The following MRPS25 variants were observed in gnomAD, a reference collection of about 807,000 sequenced individuals.
The protein encoded by MRPS25 is mitochondrial ribosomal protein S25.
MRPS25 carries 15 observed loss-of-function variants against 17.3 expected under a neutral mutation model. The ratio of observed to expected loss-of-function variants is 0.87; its 90% CI spans 0.58 to 1.34. The LOEUF is 1.34. MRPS25 is among the 40% of genes most tolerant of loss of function. MRPS25 has a pLI of 0.00. For synonymous variants in MRPS25, 94 were observed against 83.3 expected (o/e 1.13, Z -0.70); for missense variants, 225 against 218.6 (o/e 1.03, Z -0.19).
intron 2 of MRPS25, among the ~76,000 whole-genome samples, chr3:15,059,160 G>C (rs2042712499): frequency 6.6e-6 from 1 of 152,134 alleles, no homozygotes; most frequent in South Asian, 2.1e-4. Flanking sequence ...GTGAGGCAGA[G>C]GGTAAGAAGA....
chr3:15,053,622 T>C (rs1436404470), intron 2 of MRPS25, 155 bp from the exon 3 acceptor site: 5 of 850,810 alleles, frequency 5.9e-6, no homozygotes, highest in Non-Finnish European at 9.6e-6. Flanking sequence ...ACCCTTCCTT[T>C]TTCCATTTTT....
chr3:15,051,816 T>C lies in MRPS25; in HGVS notation c.*625A>G. ...TGGCAGTGGCTGACTGGTCAGCAGG[T>C]ACGTGCCTGAGTGAGGCTGGCCTGT... On this transcript the variant is annotated 3_prime_UTR_variant, in exon 4 of 4. Coordinates refer to ENST00000253686, the MANE Select transcript of MRPS25 (RefSeq NM_022497.5). 1 of 985,448 alleles carries C rather than the reference T, an allele frequency of 1.0e-6. No individual in the cohort carries two copies. The highest frequency in any genetic ancestry group is 1.2e-6 in the Non-Finnish European group (1 of 829,980). 61.0% of individuals were successfully genotyped at this position (985,448 alleles called of 1,614,324 possible). A position where few individuals can be genotyped will look rare whatever the true frequency, so the allele number is the denominator to read the frequency against.
At chr3:15,052,728 G>GTGTCCCTGGT in intron 3 of MRPS25, 95 bp from the exon 4 acceptor site, 7 of 1,278,208 alleles carry the variant, frequency 5.5e-6, no homozygotes, top group Non-Finnish European at 7.7e-6. Context: ...CATCCACCAG[G>GTGTCCCTGGT]GACACCTGGA....
In MRPS25 at chr3:15,050,009, G is replaced by GT; in HGVS notation, c.*2431dup. On this transcript the variant is annotated 3_prime_UTR_variant, in exon 4 of 4. Coordinates refer to ENST00000253686, the MANE Select transcript of MRPS25 (RefSeq NM_022497.5). Reference sequence around the variant, plus strand: ...CTTGTGCAAGTAAAATTAAGAACATGTTATCAATTATAAAATCCTCACATT... The same window carrying GT: ...CTTGTGCAAGTAAAATTAAGAACATGTTTATCAATTATAAAATCCTCACATT... 1 of 1,464,514 alleles carries GT rather than the reference G, an allele frequency of 6.8e-7. No individual in the cohort carries two copies. The highest frequency in any genetic ancestry group is 8.9e-7 in the Non-Finnish European group (1 of 1,123,266). The allele number at this position is 1,464,514 out of a possible 1,614,324, so 90.7% of individuals were successfully genotyped here.
downstream of MRPS25, chr3:15,045,614 T>C (rs2042421125): frequency 6.5e-6 from 1 of 152,680 alleles, no homozygotes; most frequent in Non-Finnish European, 1.5e-5. Context: ...CTTTAACTCA[T>C]TTCAAGCCTC....
Position 15,052,337 on chromosome 3 carries a change from A to G in MRPS25, c.*104T>C. On this transcript the variant is annotated 3_prime_UTR_variant, in exon 4 of 4. Transcript: ENST00000253686. ...CCTTTTAATGCAAAAGGATTTCCAGAGTCTCCAGGGACAGAACCAGGGGCT... is the reference window on the plus strand; with the variant it reads ...CCTTTTAATGCAAAAGGATTTCCAGGGTCTCCAGGGACAGAACCAGGGGCT... 2 of 1,503,298 alleles carry G rather than the reference A, an allele frequency of 1.3e-6. No homozygotes were observed. The highest frequency in any genetic ancestry group is 4.6e-5 in the East Asian group (2 of 43,686). The allele number at this position is 1,503,298 out of a possible 1,614,324, so 93.1% of individuals were successfully genotyped here.
chr3:15,044,337 C>T (rs1198644011), downstream of MRPS25: 1 of 152,182 alleles, frequency 6.6e-6, no homozygotes, highest in Admixed American at 6.5e-5. Context: ...TGCCAGCCGA[C>T]CACCCCGGAG....
Position 15,052,085 on chromosome 3 carries a change from G to A in MRPS25, c.*356C>T, listed in dbSNP as rs2042613167. On this transcript the variant is annotated 3_prime_UTR_variant, in exon 4 of 4. Coordinates refer to ENST00000253686, the MANE Select transcript of MRPS25 (RefSeq NM_022497.5). ...CCCAGAGGAAGATTCAAAGCCAGCGGAGACCAGTAAAGGGTCGCAGGACCA... is the reference window on the plus strand; with the variant it reads ...CCCAGAGGAAGATTCAAAGCCAGCGAAGACCAGTAAAGGGTCGCAGGACCA... The A allele has an allele frequency of 9.7e-7, 1 of 1,025,884 alleles. No homozygotes were observed. Among genetic ancestry groups the A allele is most frequent in the African/African-American group, 1.7e-5 (1 of 58,838 alleles). The allele number at this position is 1,025,884 out of a possible 1,614,324, so 63.5% of individuals were successfully genotyped here.
chr3:15,042,685 A>C (rs1245586354), downstream of MRPS25: 5 of 639,098 alleles, frequency 7.8e-6, no homozygotes, highest in African/African-American at 1.8e-5. Flanking sequence ...TATAAGAGGA[A>C]CTGTTGAAAT....
In MRPS25 at chr3:15,052,558, G is replaced by A; in HGVS notation, c.405C>T (p.Cys135=). 1 of 1,614,182 alleles carries A rather than the reference G, an allele frequency of 6.2e-7. No individual in the cohort carries two copies. Among genetic ancestry groups the A allele is most frequent in the Non-Finnish European group, 8.5e-7 (1 of 1,180,040 alleles). ...CCACTTCACAGATGCACTCCCGCAG[G>A]CAGTACTTTCGAGGGCCGAAGTTGG... The part of the protein sequence containing the change: ...HPANFGPRKY[C]LRECICEVEG... Residue 135 remains cysteine, a synonymous_variant, in exon 4 of 4, where the codon TGC becomes TGT. Transcript: ENST00000253686.
At chr3:15,044,437 T>G (rs1368321760), downstream of MRPS25, 11 of 151,908 alleles carry the variant, frequency 7.2e-5, no homozygotes, top group African/African-American at 1.2e-4. Flanking sequence ...GCAACCAGAG[T>G]TTACAGCAAG....
chr3:15,050,156 A>G lies in MRPS25; in HGVS notation c.*2285T>C. On this transcript the variant is annotated 3_prime_UTR_variant, in exon 4 of 4. Transcript: ENST00000253686. ...ATCCAGGATCAAGTAGCCTACAGGG[A>G]ACAAAAAAAGAAAATAATGTTTATT... 4 of 1,314,266 alleles carry G rather than the reference A, an allele frequency of 3.0e-6. No individual in the cohort carries two copies. Among genetic ancestry groups the G allele is most frequent in the Non-Finnish European group, 3.8e-6 (4 of 1,039,686 alleles). 81.4% of individuals were successfully genotyped at this position (1,314,266 alleles called of 1,614,324 possible).
chr3:15,050,166 G>GAAAAT lies in MRPS25; in HGVS notation c.*2270_*2274dup, dbSNP rs1230883103. The GAAAAT allele has an allele frequency of 7.8e-7, 1 of 1,288,660 alleles. No homozygotes were observed. Among genetic ancestry groups the GAAAAT allele is most frequent in the East Asian group, 4.0e-5 (1 of 25,138 alleles). 79.8% of individuals were successfully genotyped at this position (1,288,660 alleles called of 1,614,324 possible). On this transcript the variant is annotated 3_prime_UTR_variant, in exon 4 of 4. Transcript: ENST00000253686. ...AAGTAGCCTACAGGGAACAAAAAAA[G>GAAAAT]AAAATAATGTTTATTTCCACAAATT...
At position 15,050,027 on chromosome 3, in the gene MRPS25, C is replaced by T; in HGVS notation, c.*2414G>A. ...AGAACATGTTATCAATTATAAAATC[C>T]TCACATTTTCTCTAATTAATTTTCT... On this transcript the variant is annotated 3_prime_UTR_variant, in exon 4 of 4. Transcript: ENST00000253686. 1 of 1,458,864 alleles carries T rather than the reference C, an allele frequency of 6.9e-7. No individual in the cohort carries two copies. The highest frequency in any genetic ancestry group is 8.9e-7 in the Non-Finnish European group (1 of 1,120,336). The allele number at this position is 1,458,864 out of a possible 1,614,324, so 90.4% of individuals were successfully genotyped here.
intron 2 of MRPS25, among the ~76,000 whole-genome samples, chr3:15,056,550 A>T (rs2042676075): frequency 6.6e-6 from 1 of 152,208 alleles, no homozygotes; most frequent in Non-Finnish European, 1.5e-5. Context: ...GGCTGTGGTC[A>T]GAGGGAGGTG....
rs2042616099 is a variant in MRPS25 at position 15,052,345 on chromosome 3, G to A, written c.*96C>T. ...TGCAAAAGGATTTCCAGAGTCTCCA[G>A]GGACAGAACCAGGGGCTTCCCTGGG... On this transcript the variant is annotated 3_prime_UTR_variant, in exon 4 of 4. Transcript: ENST00000253686. The A allele has an allele frequency of 4.0e-6, 6 of 1,516,232 alleles. No homozygotes were observed. Among genetic ancestry groups the A allele is most frequent in the Admixed American group, 2.2e-5 (1 of 45,032 alleles). The allele number at this position is 1,516,232 out of a possible 1,614,324, so 93.9% of individuals were successfully genotyped here.
At position 15,050,111 on chromosome 3, in the gene MRPS25, C is replaced by A. The variant is rs1373769874; in HGVS notation, c.*2330G>T. On this transcript the variant is annotated 3_prime_UTR_variant, in exon 4 of 4. Transcript: ENST00000253686. The stretch of plus-strand genomic sequence containing the variant: ...CACTACTAAACAAAATAGGGAAAGA[C>A]AAAGGTTTAAAGAGAAACTATCCAG... 1.4e-6 allele frequency: 2 copies of A among 1,387,820 alleles called. No homozygotes were observed. Among genetic ancestry groups the A allele is most frequent in the Admixed American group, 7.6e-5 (2 of 26,182 alleles). 86.0% of individuals were successfully genotyped at this position (1,387,820 alleles called of 1,614,324 possible).
At chr3:15,056,707 T>C (rs2042677788) in intron 2 of MRPS25, among the ~76,000 whole-genome samples, 1 of 152,270 alleles carries the variant, frequency 6.6e-6, no homozygotes, top group South Asian at 2.1e-4. Flanking sequence ...AGGAGGGCTC[T>C]GCTGACACTG....
At chr3:15,060,068 G>A (rs1045369082) in intron 1 of MRPS25, among the ~76,000 whole-genome samples, 1 of 151,942 alleles carries the variant, frequency 6.6e-6, no homozygotes, top group Non-Finnish European at 1.5e-5. Context: ...TAATCTGAAC[G>A]CTGAATATCG....
Sources: gnomAD v4.1 joint callset for allele counts (sites outside exome capture counted in the v4.1 genomes callset) on GRCh38, gnomAD v4.1.1 for gene constraint, MANE v1.5 for transcripts, NCBI Gene and HGNC (gene_info 2026-07-23, HGNC 2026-07-21) for gene names.